TTN: variants seen among roughly 807,000 people sequenced by gnomAD.
TTN encodes connectin.
Under a neutral mutation model 3,223.0 loss-of-function variants are expected in TTN, and 1,525 were observed. The ratio of observed to expected loss-of-function variants is 0.47; its 90% CI spans 0.45 to 0.49. The LOEUF (loss-of-function observed/expected upper bound fraction) is 0.49. Ranked by LOEUF, TTN falls within the 20% of genes least tolerant of loss-of-function variation. The pLI, the probability that TTN is intolerant of heterozygous loss-of-function variation, is 0.00. For synonymous variants in TTN, 14,094 were observed against 15,161.0 expected, an observed-to-expected ratio of 0.93 and a Z score of 5.17; for missense variants, 40,786 against 43,424.0, an observed-to-expected ratio of 0.94 and a Z score of 5.40.
rs2064146090 is a variant in TTN at position 178,658,585 on chromosome 2, TA to T, written c.37544-35del. 9 of 632,954 alleles carry T rather than the reference TA, an allele frequency of 1.4e-5. No homozygotes were observed. In the East Asian group the frequency reaches 2.5e-4, roughly 17 times the overall value. 39.2% of individuals were successfully genotyped at this position (632,954 alleles called of 1,614,324 possible). A position where few individuals can be genotyped will look rare whatever the true frequency, so the allele number is the denominator to read the frequency against. On this transcript the variant is annotated intron_variant, in intron 183 of 362. Transcript: ENST00000589042. ...ATATTAGTATCTTTTAGTTAGAAGC[TA>T]TAAAGGGGGAATATCGACTCCACAT...
In TTN at chr2:178,618,050, G is replaced by A; in HGVS notation, c.47301C>T (p.Ile15767=). 1.2e-6 allele frequency: 2 copies of A among 1,612,386 alleles called. No individual in the cohort carries two copies. Among genetic ancestry groups the A allele is most frequent in the Non-Finnish European group, 1.7e-6 (2 of 1,179,090 alleles). The change falls in exon 253 of 363, where the codon ATC becomes ATT. Residue 15767 remains isoleucine, a synonymous_variant. Transcript: ENST00000589042. ...AGACACCAAATCGATTCACATCAGTGATGGTTACATTCAAAGGAGGGCCTG... is the reference window on the plus strand; with the variant it reads ...AGACACCAAATCGATTCACATCAGTAATGGTTACATTCAAAGGAGGGCCTG... The part of the protein sequence containing the change: ...DVPGPPLNVT[I]TDVNRFGVSL...
rs1451028625 is a variant in TTN at position 178,533,135 on chromosome 2, G to A, written c.103480C>T (p.Pro34494Ser). 1 of 1,613,888 alleles carries A rather than the reference G, an allele frequency of 6.2e-7. No homozygotes were observed. Among genetic ancestry groups the A allele is most frequent in the South Asian group, 1.1e-5 (1 of 91,076 alleles). Residue 34494 changes from proline (P) to serine (S), a missense_variant, in exon 358 of 363, where the codon CCA (proline) becomes TCA (serine). Transcript: ENST00000589042. ...GCCTCTTTAGCTACCTGTGTCAGTG[G>A]TACACTTTCAGTTCCAGAAAGAATT... Reference protein sequence around the residue: ...AEILSGTESVPLTQVAKEALR... With the variant: ...AEILSGTESVSLTQVAKEALR...
rs1366471902 is a variant in TTN at position 178,591,887 on chromosome 2, G to C, written c.59932C>G (p.Pro19978Ala). Reference sequence around the variant, plus strand: ...TGGTGCAGGTCCTTGGGTGGCCCTGGGGGATCTTTTCAAAGAAGAAGTTAT... The same window carrying C: ...TGGTGCAGGTCCTTGGGTGGCCCTGCGGGATCTTTTCAAAGAAGAAGTTAT... ...PIKALDPLHP[P>A]GPPKDLHHVD... is the part of the protein sequence containing the mutation. The change falls in exon 303 of 363, where the codon CCA becomes GCA. Residue 19978 changes from proline to alanine, a missense_variant. Transcript: ENST00000589042. 2 of 1,607,436 alleles carry C rather than the reference G, an allele frequency of 1.2e-6. No homozygotes were observed. Among genetic ancestry groups the C allele is most frequent in the Non-Finnish European group, 1.7e-6 (2 of 1,178,120 alleles).
rs1176781289 is a variant in TTN at position 178,611,358 on chromosome 2, C to A, written c.50857+14G>T. On this transcript the variant is annotated intron_variant, in intron 269 of 362. Coordinates refer to ENST00000589042, the MANE Select transcript of TTN (RefSeq NM_001267550.2). ...AGGGTATTTTATTAACTATAAAAGA[C>A]CTTGTGCTCTTACAGTCTGGGTCTT... 2 of 1,612,184 alleles carry A rather than the reference C, an allele frequency of 1.2e-6. No individual in the cohort carries two copies. Among genetic ancestry groups the A allele is most frequent in the African/African-American group, 2.7e-5 (2 of 74,758 alleles).
At chr2:178,603,251 G>A (rs2053925379) in intron 282 of TTN, among the ~76,000 whole-genome samples, 1 of 152,060 alleles carries the variant, frequency 6.6e-6, no homozygotes, top group East Asian at 1.9e-4. Context: ...CATAGCACTT[G>A]AGTATTTAAA....
chr2:178,756,635 T>C lies in TTN; in HGVS notation c.10841A>G (p.Glu3614Gly). The change falls in exon 46 of 363, where the codon GAA (glutamate) becomes GGA (glycine). Residue 3614 changes from glutamate to glycine, a missense_variant. Glu to Gly is a moderately conservative substitution (Grantham distance 98). Coordinates refer to ENST00000589042, the MANE Select transcript of TTN (RefSeq NM_001267550.2). ...SSYEYEVQVF[E>G]SVSQSSIHTA... ...GTGGATGGAACTTTGAGATACACTTTCAAAAACCTGCACTTCATATTCATA... is the reference window on the plus strand; with the variant it reads ...GTGGATGGAACTTTGAGATACACTTCCAAAAACCTGCACTTCATATTCATA... 6.2e-7 allele frequency: 1 copy of C among 1,613,830 alleles called. No homozygotes were observed.
intron 47 of TTN, chr2:178,751,438 CA>C: frequency 6.2e-7 from 1 of 1,612,912 alleles, no homozygotes. Flanking sequence ...GTATAGTTCT[CA>C]TCATTCCCTT....
rs778989415 is a variant in TTN at position 178,630,393 on chromosome 2, T to C, written c.44155-26A>G. 7 of 1,573,708 alleles carry C rather than the reference T, an allele frequency of 4.4e-6. No homozygotes were observed. In the South Asian group the frequency reaches 8.4e-5, roughly 19 times the overall value. ...CTGTACCAACAAAACAGAAAAACTT[T>C]CATAGAAAATAATTTTCTTTGAAAT... is the stretch of plus-strand genomic sequence containing the variant. On this transcript the variant is annotated intron_variant, in intron 238 of 362. Coordinates refer to ENST00000589042, the MANE Select transcript of TTN (RefSeq NM_001267550.2).
rs556948427 is a variant in TTN at position 178,674,326 on chromosome 2, C to T, written c.34696G>A (p.Ala11566Thr). 2 of 1,587,062 alleles carry T rather than the reference C, an allele frequency of 1.3e-6. No individual in the cohort carries two copies. Among genetic ancestry groups the T allele is most frequent in the African/African-American group, 1.3e-5 (1 of 74,324 alleles). Reference protein sequence around the residue: ...PPSIEEVEEVAPPRVPEVIKK... With the variant: ...PPSIEEVEEVTPPRVPEVIKK... ...AAAGCGGTTATACCTCTAGGTGGTG[C>T]CACCTCTTCAACTTCCTCTATGCTA... The change falls in exon 151 of 363, where the codon GCA (alanine) becomes ACA (threonine). Residue 11566 changes from alanine to threonine, a missense_variant. Coordinates refer to ENST00000589042, the MANE Select transcript of TTN (RefSeq NM_001267550.2).
chr2:178,542,737 C>T lies in TTN; in HGVS notation c.97117G>A (p.Asp32373Asn). The change falls in exon 348 of 363, where the codon GAT (aspartate) becomes AAT (asparagine). Residue 32373 changes from aspartate to asparagine, a missense_variant. Physicochemically the swap from Asp to Asn is conservative, Grantham distance 23. Transcript: ENST00000589042. The stretch of plus-strand genomic sequence containing the variant: ...AATTCAAGTGTGTATTCTCCAGTAT[C>T]TCTGATAGTGGTTTCACGGATGGTT... Reference protein sequence around the residue: ...KLTIRETTIRDTGEYTLELKN... With the variant: ...KLTIRETTIRNTGEYTLELKN... 6.2e-7 allele frequency: 1 copy of T among 1,613,800 alleles called. No homozygotes were observed. The highest frequency in any genetic ancestry group is 8.5e-7 in the Non-Finnish European group (1 of 1,179,770).
chr2:178,721,200 G>A lies in TTN; in HGVS notation c.22819C>T (p.Pro7607Ser). The A allele has an allele frequency of 1.3e-6, 2 of 1,587,212 alleles. No individual in the cohort carries two copies. The highest frequency in any genetic ancestry group is 1.7e-6 in the Non-Finnish European group (2 of 1,164,016). The change falls in exon 79 of 363, where the codon CCT becomes TCT. Residue 7607 changes from proline to serine, a missense_variant and splice_region_variant. Pro to Ser is a moderately conservative substitution (Grantham distance 74). Transcript: ENST00000589042. Reference sequence around the variant, plus strand: ...TCTAATTTCTTAACAAACTTTGGAGGTTCTAGTAAACCAAACAAAACAGTC... The same window carrying A: ...TCTAATTTCTTAACAAACTTTGGAGATTCTAGTAAACCAAACAAAACAGTC... The part of the protein sequence containing the change: ...MCSAQLSVKE[P>S]PKFVKKLEAS...
At chr2:178,678,927 A>G in intron 142 of TTN, 97 bp from the exon 143 acceptor site, 4 of 945,606 alleles carry the variant, frequency 4.2e-6, no homozygotes, top group Non-Finnish European at 6.4e-6. Flanking sequence ...CAGCATAGAT[A>G]TTCTATCAAT....
rs794729289 is a variant in TTN, at chr2:178,567,954, C to A, written c.78178G>T (p.Glu26060Ter). 2 of 1,613,424 alleles carry A rather than the reference C, an allele frequency of 1.2e-6. No homozygotes were observed. Among genetic ancestry groups the A allele is most frequent in the Non-Finnish European group, 1.7e-6 (2 of 1,179,610 alleles). The change falls in exon 326 of 363, where the codon GAA becomes TAA. Residue 26060 changes from glutamate (E) to a stop codon, truncating the protein, a stop_gained. Transcript: ENST00000589042. LOFTEE classifies it high-confidence loss of function. ...FKAQNLEEGI[E>*]YEFRVYAENI... ...TCAGCATACACTCTGAATTCATATT[C>A]AATGCCTTCTTCAAGATTCTGTGCT...
rs1704675801 is a variant in TTN, at chr2:178,563,982, CA to C, written c.82149del (p.Ala27384ArgfsTer64). On this transcript the variant is annotated frameshift_variant, in exon 326 of 363. Transcript: ENST00000589042. LOFTEE classifies it high-confidence loss of function. The surrounding 1 kb of genome is among the most constrained non-coding windows in gnomAD (Gnocchi z 4.5). ...TTCCATGCCAGGTAACATTTTTCCG[CA>C]GTAACTCCAGTAACTTTCAGAGGCC... ...PEGPLKVTGVTAEKCYLAWNP... is the reference protein window; with the variant it reads ...PEGPLKVTGVXAEKCYLAWNP... 6.2e-7 allele frequency: 1 copy of C among 1,613,582 alleles called. No homozygotes were observed. Among genetic ancestry groups the C allele is most frequent in the South Asian group, 1.1e-5 (1 of 91,084 alleles).
rs952849958 is a variant in TTN, at chr2:178,729,407, C to T, written c.18749G>A (p.Arg6250Lys). 8 of 1,613,530 alleles carry T rather than the reference C, an allele frequency of 5.0e-6. No individual in the cohort carries two copies. Among genetic ancestry groups the T allele is most frequent in the South Asian group, 2.2e-5 (2 of 91,090 alleles). ...RSSKKYTLTD[R>K]VSVFNLHITK... ...TATATGGAGGTTAAACACAGACACTCTGTCGGTCAATGTGTATTTTTTGCT... is the reference window on the plus strand; with the variant it reads ...TATATGGAGGTTAAACACAGACACTTTGTCGGTCAATGTGTATTTTTTGCT... The change falls in exon 64 of 363, where the codon AGA becomes AAA. Residue 6250 changes from arginine to lysine, a missense_variant. Physicochemically the swap from Arg to Lys is conservative, Grantham distance 26. Coordinates refer to ENST00000589042, the MANE Select transcript of TTN (RefSeq NM_001267550.2).
chr2:178,553,762 T>G lies in TTN; in HGVS notation c.89243A>C (p.Lys29748Thr), dbSNP rs2154152255. 1 of 1,609,036 alleles carries G rather than the reference T, an allele frequency of 6.2e-7. No homozygotes were observed. Among genetic ancestry groups the G allele is most frequent in the Non-Finnish European group, 8.5e-7 (1 of 1,176,746 alleles). ...ACTCCAGCCAAGGGTGATGGATGACTTGGTTGAATCTGCGATTCTTATCTT... is the reference window on the plus strand; with the variant it reads ...ACTCCAGCCAAGGGTGATGGATGACGTGGTTGAATCTGCGATTCTTATCTT... ...PAKIRIADSTKSSITLGWSKP... is the reference protein window; with the variant it reads ...PAKIRIADSTTSSITLGWSKP... Residue 29748 changes from lysine (K) to threonine (T), a missense_variant, in exon 334 of 363, where the codon AAG becomes ACG. Lys to Thr is a moderately conservative substitution (Grantham distance 78). Coordinates refer to ENST00000589042, the MANE Select transcript of TTN (RefSeq NM_001267550.2).
chr2:178,727,822 T>C lies in TTN; in HGVS notation c.19756A>G (p.Ile6586Val). The change falls in exon 68 of 363, where the codon ATA (isoleucine) becomes GTA (valine). Residue 6586 changes from isoleucine (I) to valine (V), a missense_variant. Coordinates refer to ENST00000589042, the MANE Select transcript of TTN (RefSeq NM_001267550.2). ...FLVKPGRQQA[I>V]PDSTVEFKAI... is the part of the protein sequence containing the mutation. ...TTAAATTCCACTGTAGAATCAGGTA[T>C]GGCTTGCTGTCGCCCAGGTTTCACT... 6.2e-7 allele frequency: 1 copy of C among 1,606,476 alleles called. No homozygotes were observed. Among genetic ancestry groups the C allele is most frequent in the Non-Finnish European group, 8.5e-7 (1 of 1,176,104 alleles).
rs544318678 is a variant in TTN at position 178,727,643 on chromosome 2, A to C, written c.19935T>G (p.Thr6645=). The C allele has an allele frequency of 8.1e-6, 13 of 1,607,378 alleles. No individual in the cohort carries two copies. The Admixed American group carries it at 1.9e-4, about 23-fold the overall frequency. ...SVDASKTGQY[T]CHVTNDVGSD... ...TACCAACATCATTGGTAACATGGCA[A>C]GTATACTGTCCAGTCTTAGAAGCAT... is the stretch of plus-strand genomic sequence containing the variant. Residue 6645 remains threonine (T), a synonymous_variant, in exon 68 of 363, where the codon ACT becomes ACG. Transcript: ENST00000589042.
rs2291304 is a variant in TTN, at chr2:178,771,123, T to C, written c.8116+88A>G. 0.055 allele frequency: 86,795 copies of C among 1,585,258 alleles called. 3,924 individuals are homozygous for C. Among genetic ancestry groups the C allele is most frequent in the Admixed American group, 0.2 (12,005 of 58,692 alleles). ...CTTTATGAAATGAAAATTTATGGTATCCAAAATGGCCATATCGTTTGTCTT... is the reference window on the plus strand; with the variant it reads ...CTTTATGAAATGAAAATTTATGGTACCCAAAATGGCCATATCGTTTGTCTT... On this transcript the variant is annotated intron_variant, in intron 34 of 362. Coordinates refer to ENST00000589042, the MANE Select transcript of TTN (RefSeq NM_001267550.2).
Sources: allele counts gnomAD v4.1 joint callset (sites outside exome capture counted in the v4.1 genomes callset), GRCh38; gene constraint gnomAD v4.1.1; non-coding constraint Gnocchi (gnomAD v3.1); transcripts MANE v1.5; gene names NCBI Gene and HGNC (gene_info 2026-07-23, HGNC 2026-07-21).